TBC1D30: variants seen among roughly 807,000 people sequenced by gnomAD.
TBC1D30 encodes the protein TBC1 domain family, member 30.
TBC1D30 carries 31 observed loss-of-function variants against 63.2 expected under a neutral mutation model. That is an observed-to-expected ratio of 0.49 (90% CI 0.37 to 0.66). The LOEUF (loss-of-function observed/expected upper bound fraction) is 0.66, where lower values mean the gene tolerates loss of function less well. Ranked by LOEUF, TBC1D30 falls within the 30% of genes least tolerant of loss-of-function variation. The pLI, the probability that TBC1D30 is intolerant of heterozygous loss-of-function variation, is 0.00. For missense variants in TBC1D30, 810 were observed against 953.6 expected (o/e 0.85, Z 1.98); for synonymous variants, 307 against 361.5 (o/e 0.85, Z 1.71).
Position 64,878,610 on chromosome 12 carries a change from G to C in TBC1D30, c.*2822G>C. The C allele has an allele frequency of 2.2e-6, 1 of 450,722 alleles. No homozygotes were observed. The highest frequency in any genetic ancestry group is 4.5e-6 in the Non-Finnish European group (1 of 222,890). The allele number at this position is 450,722 out of a possible 1,614,324, so 27.9% of individuals were successfully genotyped here. ...GATTGTATTGATCACAAAGCTATAT[G>C]CATAAAGATTCTCATTGTTGTAACT... On this transcript the variant is annotated 3_prime_UTR_variant, in exon 12 of 12. Transcript: ENST00000539867.
At chr12:64,837,858 T>G (rs1875505350) in intron 6 of TBC1D30, among the ~76,000 whole-genome samples, 1 of 152,202 alleles carries the variant, frequency 6.6e-6, no homozygotes, top group South Asian at 2.1e-4. Context: ...TGCACTTGGC[T>G]GTGAGGAGCA....
At chr12:64,871,315 C>T (rs536587399) in intron 11 of TBC1D30, among the ~76,000 whole-genome samples, 5 of 152,298 alleles carry the variant, frequency 3.3e-5, no homozygotes, top group Admixed American at 1.3e-4. Flanking sequence ...AAGAAGAACA[C>T]AATTATAATG....
chr12:64,785,147 C>CTTTTTTTTTTTTTT (rs3033154), intron 1 of TBC1D30, among the ~76,000 whole-genome samples: 1 of 134,844 alleles, frequency 7.4e-6, no homozygotes. Flanking sequence ...ACTTTAAAGA[C>CTTTTTTTTTTTTTT]TTTTTTTTTT....
chr12:64,868,491 T>C, intron 10 of TBC1D30: 2 of 248,076 alleles, frequency 8.1e-6, no homozygotes, highest in Non-Finnish European at 1.6e-5. Context: ...CCTAGCCATT[T>C]GAATCTCAGT....
Position 64,878,729 on chromosome 12 carries a change from C to G in TBC1D30, c.*2941C>G, listed in dbSNP as rs1879260734. 1 of 356,516 alleles carries G rather than the reference C, an allele frequency of 2.8e-6. No homozygotes were observed. The highest frequency in any genetic ancestry group is 5.5e-6 in the Non-Finnish European group (1 of 180,644). The allele number at this position is 356,516 out of a possible 1,614,324, so 22.1% of individuals were successfully genotyped here. ...CCTTCACCCCCAACCCCAGACCCCC[C>G]TTGGTCACATGAACCAGGGAAACAG... is the stretch of plus-strand genomic sequence containing the variant. On this transcript the variant is annotated 3_prime_UTR_variant, in exon 12 of 12. Transcript: ENST00000539867.
intron 8 of TBC1D30, 67 bp downstream of exon 8, chr12:64,843,552 G>T: frequency 8.3e-7 from 1 of 1,204,208 alleles, no homozygotes; most frequent in South Asian, 1.3e-5. Flanking sequence ...ACCAGTGCCA[G>T]AGCAGCGGTC....
At chr12:64,849,607 C>A (rs565947482) in intron 8 of TBC1D30, among the ~76,000 whole-genome samples, 23 of 152,144 alleles carry the variant, frequency 1.5e-4, no homozygotes, top group Non-Finnish European at 3.1e-4. Flanking sequence ...ATTTCTGAGG[C>A]CTCTGTTCTG....
At chr12:64,808,418 A>G (rs560796071) in intron 2 of TBC1D30, among the ~76,000 whole-genome samples, 1 of 152,090 alleles carries the variant, frequency 6.6e-6, no homozygotes, top group African/African-American at 2.4e-5. Context: ...GCCTGTCTCA[A>G]TGCTCTGTGT....
intron 1 of TBC1D30, among the ~76,000 whole-genome samples, chr12:64,768,914 G>C (rs183283441): frequency 4.6e-5 from 7 of 152,194 alleles, no homozygotes; most frequent in East Asian, 1.9e-4. Context: ...CCCAGCACTT[G>C]GGTAGGCTGA....
chr12:64,827,885 G>C lies in TBC1D30; in HGVS notation c.205G>C (p.Gly69Arg), dbSNP rs1216951957. Residue 69 changes from glycine to arginine, a missense_variant, in exon 2 of 12, where the codon GGT becomes CGT. By Grantham distance (125) the Gly-to-Arg change is moderately radical. Around this residue, in one of 4 missense-constraint regions of TBC1D30, gnomAD observed 272 missense variants for 335.9 expected, o/e 0.81. Transcript: ENST00000539867. ...TCTTGAGCCATCTTTAGGTCAAAAT[G>C]GTTTTCAGCAGGTAACTTTGATTTT... The part of the protein sequence containing the change: ...FTLEPSLGQN[G>R]FQQWYDALKA... The C allele has an allele frequency of 1.2e-5, 18 of 1,534,184 alleles. No individual in the cohort carries two copies. The highest frequency in any genetic ancestry group is 1.6e-5 in the Non-Finnish European group (18 of 1,146,074).
At chr12:64,777,506 C>T (rs530892227), upstream of TBC1D30, among the ~76,000 whole-genome samples, 3 of 152,266 alleles carry the variant, frequency 2.0e-5, no homozygotes, top group Middle Eastern at 3.4e-3. Flanking sequence ...CTCCCATTCA[C>T]AATTGCCACA....
intron 1 of TBC1D30, among the ~76,000 whole-genome samples, chr12:64,775,124 G>T (rs1349992485): frequency 6.6e-6 from 1 of 150,540 alleles, no homozygotes; most frequent in Admixed American, 6.6e-5. Flanking sequence ...TATAGATATA[G>T]ATATAGATAT....
chr12:64,876,682 A>G lies in TBC1D30; in HGVS notation c.*894A>G, dbSNP rs1210299640. 4.8e-6 allele frequency: 2 copies of G among 419,966 alleles called. No homozygotes were observed. The highest frequency in any genetic ancestry group is 4.0e-5 in the African/African-American group (2 of 49,526). 26.0% of individuals were successfully genotyped at this position (419,966 alleles called of 1,614,324 possible). A position where few individuals can be genotyped will look rare whatever the true frequency, so the allele number is the denominator to read the frequency against. ...CTGCAGACGCACAAGGCCTCTGCTC[A>G]GAAGCCAGAACACAGCACCTGTGAC... On this transcript the variant is annotated 3_prime_UTR_variant, in exon 12 of 12. Transcript: ENST00000539867.
At chr12:64,765,490 C>CAAAA (rs60489979) in intron 1 of TBC1D30, among the ~76,000 whole-genome samples, 1,506 of 17,542 alleles carry the variant, frequency 0.086, 386 homozygotes, top group Non-Finnish European at 0.11. Context: ...AGACTGTCTC[C>CAAAA]AAAAAAAAAA....
chr12:64,783,463 A>C (rs545601207), intron 1 of TBC1D30, among the ~76,000 whole-genome samples: 9 of 152,156 alleles, frequency 5.9e-5, no homozygotes, highest in Admixed American at 3.3e-4. Flanking sequence ...ACTTTTTATC[A>C]TATACCCTGG....
Position 64,878,981 on chromosome 12 carries a change from T to C in TBC1D30, c.*3193T>C, listed in dbSNP as rs1385339691. On this transcript the variant is annotated 3_prime_UTR_variant, in exon 12 of 12. Coordinates refer to ENST00000539867, the MANE Select transcript of TBC1D30 (RefSeq NM_015279.2). Reference sequence around the variant, plus strand: ...ATTAAGGATTCTGTATGAATAGATGTATAGTTGCTGCCATCTCCCCATATA... The same window carrying C: ...ATTAAGGATTCTGTATGAATAGATGCATAGTTGCTGCCATCTCCCCATATA... 6.5e-6 allele frequency: 1 copy of C among 152,922 alleles called. No homozygotes were observed. The highest frequency in any genetic ancestry group is 1.5e-5 in the Non-Finnish European group (1 of 68,470). 9.5% of individuals were successfully genotyped at this position (152,922 alleles called of 1,614,324 possible).
chr12:64,764,520 C>A lies in TBC1D30; in HGVS notation c.-376+4871C>A, dbSNP rs763189738. ...TGCTAAAAACAACTAGAAAACAGGGCAATATAGATGCCTTTATACAAGTGA... is the reference window on the plus strand; with the variant it reads ...TGCTAAAAACAACTAGAAAACAGGGAAATATAGATGCCTTTATACAAGTGA... On this transcript the variant is annotated intron_variant, in intron 1 of 13. Coordinates refer to the TBC1D30 transcript ENST00000674237. 2.3e-4 allele frequency among the ~76,000 whole-genome samples: 35 copies of A among 152,098 alleles called. 1 individual carries two copies. The highest frequency in any genetic ancestry group is 5.0e-4 in the Non-Finnish European group (34 of 68,022).
intron 1 of TBC1D30, 130 bp from the exon 2 acceptor site, chr12:64,827,705 A>G (rs1874482571): frequency 1.5e-6 from 1 of 657,296 alleles, no homozygotes; most frequent in African/African-American, 1.8e-5. Flanking sequence ...AAAATTGACT[A>G]AAATTTAGTA....
upstream of TBC1D30, among the ~76,000 whole-genome samples, chr12:64,823,677 A>G (rs1039287837): frequency 6.6e-6 from 1 of 152,142 alleles, no homozygotes; most frequent in African/African-American, 2.4e-5. Flanking sequence ...TTTTTAAGAG[A>G]TGGGGTCTCG....
Sources: gnomAD v4.1 joint callset for allele counts (sites outside exome capture counted in the v4.1 genomes callset) on GRCh38, gnomAD v4.1.1 for gene constraint, gnomAD v4.1.1 regional missense constraint, MANE v1.5 for transcripts, NCBI Gene and HGNC (gene_info 2026-07-23, HGNC 2026-07-21) for gene names.